The following VPS13B variants were observed in gnomAD, a reference collection of about 807,000 sequenced individuals.
VPS13B encodes intermembrane lipid transfer protein VPS13B.
In VPS13B, 285 loss-of-function variants were observed where a neutral mutation model predicts 426.4. The ratio of observed to expected loss-of-function variants is 0.67; its 90% CI spans 0.61 to 0.74. VPS13B has a LOEUF of 0.74. Among genes scored for constraint, VPS13B ranks in the 30% least tolerant of loss-of-function variants. VPS13B has a pLI of 0.00. For synonymous variants in VPS13B, 1,676 were observed against 1,676.4 expected, an observed-to-expected ratio of 1.00 and a Z score of 0.01; for missense variants, 4,537 against 4,782.6, an observed-to-expected ratio of 0.95 and a Z score of 1.51.
At chr8:99,683,874 A>G (rs543282633) in intron 35 of VPS13B, among the ~76,000 whole-genome samples, 32 of 152,276 alleles carry the variant, frequency 2.1e-4, no homozygotes, top group African/African-American at 7.5e-4. Context: ...TTCCAATACT[A>G]TGTTGAGTAT....
intron 3 of VPS13B, among the ~76,000 whole-genome samples, chr8:99,059,375 A>G (rs1395570740): frequency 6.6e-6 from 1 of 152,122 alleles, no homozygotes; most frequent in Non-Finnish European, 1.5e-5. Flanking sequence ...GGGTTTCGCC[A>G]TGTTGGCCAG....
intron 35 of VPS13B, among the ~76,000 whole-genome samples, chr8:99,691,491 A>G (rs1314108848): frequency 3.3e-5 from 5 of 152,092 alleles, no homozygotes; most frequent in Non-Finnish European, 7.4e-5. Flanking sequence ...CGGGTGACTC[A>G]AGTTTCTGAC....
chr8:99,750,748 A>G (rs1810350573), intron 39 of VPS13B, among the ~76,000 whole-genome samples: 1 of 152,144 alleles, frequency 6.6e-6, no homozygotes, highest in Non-Finnish European at 1.5e-5. Context: ...ATTAGATAGT[A>G]TTATTAAGTG....
intron 17 of VPS13B, among the ~76,000 whole-genome samples, chr8:99,261,228 T>A (rs1588184154): frequency 6.6e-6 from 1 of 152,116 alleles, no homozygotes; most frequent in East Asian, 1.9e-4. Context: ...ATCCTTATCA[T>A]ATCATATAGA....
chr8:99,780,657 T>A (rs765600717), intron 42 of VPS13B, among the ~76,000 whole-genome samples: 1 of 152,122 alleles, frequency 6.6e-6, no homozygotes, highest in Non-Finnish European at 1.5e-5. Context: ...TATACAGGGA[T>A]TTGGCAACGT....
intron 2 of VPS13B, among the ~76,000 whole-genome samples, chr8:99,025,966 T>C (rs938962236): frequency 3.3e-5 from 5 of 152,196 alleles, no homozygotes; most frequent in African/African-American, 1.2e-4. Flanking sequence ...CTTTTCATTT[T>C]GTTGATCCTT....
At chr8:99,676,694 A>ATT (rs1830947805) in intron 35 of VPS13B, among the ~76,000 whole-genome samples, 1 of 151,678 alleles carries the variant, frequency 6.6e-6, no homozygotes, top group South Asian at 2.1e-4. Context: ...TTGTGAAGGT[A>ATT]TTTTCTTGTG....
chr8:99,264,526 A>G (rs1818208898), intron 17 of VPS13B, among the ~76,000 whole-genome samples: 1 of 152,154 alleles, frequency 6.6e-6, no homozygotes, highest in African/African-American at 2.4e-5. Context: ...TGATTTTCCT[A>G]CAGAAATCTG....
intron 17 of VPS13B, among the ~76,000 whole-genome samples, chr8:99,225,832 G>A (rs1268610593): frequency 1.3e-5 from 2 of 152,108 alleles, no homozygotes; most frequent in East Asian, 3.9e-4. Flanking sequence ...ATCCTTCAGT[G>A]TTTTCTCATT....
chr8:99,490,232 T>C (rs1464402938), intron 25 of VPS13B, among the ~76,000 whole-genome samples: 1 of 152,222 alleles, frequency 6.6e-6, no homozygotes, highest in African/African-American at 2.4e-5. Flanking sequence ...GAACCAGCCT[T>C]GCATCCCAGG....
At chr8:99,840,393 C>T (rs1815622406) in intron 54 of VPS13B, among the ~76,000 whole-genome samples, 1 of 152,190 alleles carries the variant, frequency 6.6e-6, no homozygotes, top group Admixed American at 6.5e-5. Flanking sequence ...GTTGAAATCA[C>T]TTTTTAAAAA....
chr8:99,778,020 A>G (rs973128918), intron 41 of VPS13B, among the ~76,000 whole-genome samples: 1 of 152,106 alleles, frequency 6.6e-6, no homozygotes, highest in African/African-American at 2.4e-5. Context: ...TCACCATGTC[A>G]GGAGATTGAG....
At chr8:99,034,055 T>C (rs1325325892) in intron 2 of VPS13B, among the ~76,000 whole-genome samples, 5 of 152,228 alleles carry the variant, frequency 3.3e-5, no homozygotes, top group Non-Finnish European at 5.9e-5. Context: ...GCATGTGTCA[T>C]AGTTGTTTGT....
chr8:99,489,723 A>G (rs1020899445), intron 25 of VPS13B, among the ~76,000 whole-genome samples: 2 of 152,130 alleles, frequency 1.3e-5, no homozygotes, highest in African/African-American at 4.8e-5. Context: ...TTGGTGGATA[A>G]GAATGCTTGT....
intron 3 of VPS13B, among the ~76,000 whole-genome samples, chr8:99,087,670 A>T (rs977030903): frequency 1.3e-5 from 2 of 150,152 alleles, no homozygotes; most frequent in Non-Finnish European, 3.0e-5. Flanking sequence ...CTGGCTGCCA[A>T]TTCTTTGGTT....
In VPS13B at chr8:99,134,767, G is replaced by A; in HGVS notation, c.1302+40G>A. 4 of 1,492,914 alleles carry A rather than the reference G, an allele frequency of 2.7e-6. No individual in the cohort carries two copies. The Admixed American group carries it at 5.1e-5, about 19-fold the overall frequency. 92.5% of individuals were successfully genotyped at this position (1,492,914 alleles called of 1,614,324 possible). A position where few individuals can be genotyped will look rare whatever the true frequency, so the allele number is the denominator to read the frequency against. On this transcript the variant is annotated intron_variant, in intron 9 of 61. Transcript: ENST00000357162. Reference sequence around the variant, plus strand: ...TTGAACCTGTATTTTTAAATATTTTGTTCTTTAATATTTTATAAATACCTG... The same window carrying A: ...TTGAACCTGTATTTTTAAATATTTTATTCTTTAATATTTTATAAATACCTG...
At chr8:99,338,128 T>C (rs1230216966) in intron 19 of VPS13B, among the ~76,000 whole-genome samples, 1 of 152,186 alleles carries the variant, frequency 6.6e-6, no homozygotes, top group Non-Finnish European at 1.5e-5. Flanking sequence ...AATCAGGTAA[T>C]ATGAGTCCTC....
chr8:99,210,494 G>A (rs1201875525), intron 17 of VPS13B, among the ~76,000 whole-genome samples: 1 of 152,054 alleles, frequency 6.6e-6, no homozygotes, highest in Non-Finnish European at 1.5e-5. Flanking sequence ...TACATTTATA[G>A]TCTCACATTT....
intron 54 of VPS13B, among the ~76,000 whole-genome samples, chr8:99,840,483 C>T (rs1370011031): frequency 6.6e-6 from 1 of 152,302 alleles, no homozygotes; most frequent in South Asian, 2.1e-4. Context: ...GTGCATTCTA[C>T]ATGTTCATCC....
Sources: gnomAD v4.1 joint callset for allele counts (sites outside exome capture counted in the v4.1 genomes callset) on GRCh38, gnomAD v4.1.1 for gene constraint, MANE v1.5 for transcripts, NCBI Gene and HGNC (gene_info 2026-07-23, HGNC 2026-07-21) for gene names.